TBC1D7: variants seen among roughly 807,000 people sequenced by gnomAD.
TBC1D7 encodes TBC domain family 7.
A neutral mutation model predicts 35.3 loss-of-function variants in TBC1D7; 33 were observed. The observed-to-expected ratio is 0.93, with a 90% CI of 0.71 to 1.25. The LOEUF is 1.25. TBC1D7 is among the 50% of genes most tolerant of loss of function. TBC1D7 has a pLI of 0.00. For missense variants in TBC1D7, 362 were observed against 365.3 expected (o/e 0.99, Z 0.07); for synonymous variants, 135 against 129.5 (o/e 1.04, Z -0.29).
At chr6:13,310,283 C>A (rs1330376790) in intron 5 of TBC1D7, among the ~76,000 whole-genome samples, 2 of 152,170 alleles carry the variant, frequency 1.3e-5, no homozygotes, top group Non-Finnish European at 2.9e-5. Flanking sequence ...AAATAGCCAA[C>A]AATAAAGACA....
In TBC1D7 at chr6:13,321,091, G is replaced by C; in HGVS notation, c.198C>G (p.Ile66Met). The change falls in exon 4 of 8, where the codon ATC (isoleucine) becomes ATG (methionine). Residue 66 changes from isoleucine to methionine, a missense_variant. By Grantham distance (10) the Ile-to-Met change is conservative (BLOSUM62 1). Transcript: ENST00000379300. ...RALVWKVLLGILPPHHESHAK... is the reference protein window; with the variant it reads ...RALVWKVLLGMLPPHHESHAK... ...CATGGGACTCGTGGTGTGGAGGCAAGATTCCTAGAGAGAACAGGAAAAACG... is the reference window on the plus strand; with the variant it reads ...CATGGGACTCGTGGTGTGGAGGCAACATTCCTAGAGAGAACAGGAAAAACG... 1 of 1,607,918 alleles carries C rather than the reference G, an allele frequency of 6.2e-7. No homozygotes were observed. The highest frequency in any genetic ancestry group is 8.5e-7 in the Non-Finnish European group (1 of 1,176,052).
At chr6:13,313,927 A>C (rs1397437590) in intron 5 of TBC1D7, among the ~76,000 whole-genome samples, 3 of 152,246 alleles carry the variant, frequency 2.0e-5, no homozygotes, top group African/African-American at 7.2e-5. Flanking sequence ...AAATAGAACC[A>C]TAGGGCCACA....
chr6:13,323,126 G>A lies in TBC1D7; in HGVS notation c.193+1968C>T, dbSNP rs759530900. On this transcript the variant is annotated intron_variant, in intron 3 of 7. Coordinates refer to ENST00000379300, the MANE Select transcript of TBC1D7 (RefSeq NM_016495.6). ...CCAGCACTTTGGGAGGCCGAGGCAG[G>A]TGGACTGCCTGAGCTCAGGAGTTTG... 2.6e-5 allele frequency among the ~76,000 whole-genome samples: 4 copies of A among 152,326 alleles called. No homozygotes were observed. In the South Asian group the frequency reaches 8.3e-4, roughly 32 times the overall value.
Position 13,316,577 on chromosome 6 carries a change from G to C in TBC1D7, c.513C>G (p.Pro171=), listed in dbSNP as rs771474987. 3.1e-6 allele frequency: 5 copies of C among 1,606,096 alleles called. No individual in the cohort carries two copies. The highest frequency in any genetic ancestry group is 1.1e-5 in the South Asian group (1 of 88,566). The part of the protein sequence containing the change: ...QLNTKYRDSL[P]QLPKAFEQYL... ...AAAAAAAAAAAGCCCTCACCAACTG[G>C]GGCAAGGAATCCCGGTACTTGGTAT... The change falls in exon 5 of 8, where the codon CCC becomes CCG. Residue 171 remains proline (P), a synonymous_variant. Coordinates refer to ENST00000379300, the MANE Select transcript of TBC1D7 (RefSeq NM_016495.6).
chr6:13,326,962 G>A, intron 1 of TBC1D7, 56 bp from the exon 2 acceptor site: 1 of 981,928 alleles, frequency 1.0e-6, no homozygotes. Flanking sequence ...GGAAAAGTGA[G>A]TCTAGAAACA....
chr6:13,322,375 G>A (rs945336932), intron 3 of TBC1D7, among the ~76,000 whole-genome samples: 4 of 152,134 alleles, frequency 2.6e-5, no homozygotes, highest in Admixed American at 1.3e-4. Flanking sequence ...TTAAATTCCA[G>A]CTCTACAATT....
chr6:13,307,449 T>C (rs1183246884), intron 6 of TBC1D7, 151 bp downstream of exon 6: 1 of 741,314 alleles, frequency 1.3e-6, no homozygotes, highest in Non-Finnish European at 2.2e-6. Context: ...ATAAGCAGAA[T>C]CATGTGCTGT....
intron 3 of TBC1D7, among the ~76,000 whole-genome samples, chr6:13,321,508 T>A (rs76311043): frequency 7.2e-5 from 11 of 152,198 alleles, no homozygotes; most frequent in Non-Finnish European, 5.9e-5. Context: ...CAACAGCCCA[T>A]TGAATTCTTC....
chr6:13,325,393 T>C (rs551957840), intron 2 of TBC1D7, among the ~76,000 whole-genome samples: 1 of 152,240 alleles, frequency 6.6e-6, no homozygotes, highest in African/African-American at 2.4e-5. Flanking sequence ...CCAGGCACGG[T>C]GGCTCATGCC....
chr6:13,315,512 A>G (rs913707453), intron 5 of TBC1D7, among the ~76,000 whole-genome samples: 4 of 152,272 alleles, frequency 2.6e-5, no homozygotes, highest in Admixed American at 2.6e-4. Context: ...TCAGGAGTTC[A>G]AGACCGGCCT....
chr6:13,307,699 A>T lies in TBC1D7; in HGVS notation c.566T>A (p.Leu189Gln). Residue 189 changes from leucine to glutamine, a missense_variant, in exon 6 of 8, where the codon CTG becomes CAG. By Grantham distance (113) the Leu-to-Gln change is moderately radical (BLOSUM62 -2). Transcript: ENST00000379300. ...CGCGGAACACATCCTCAGATGAGTCAGCAGTCTGCCATCTTCCAGATTCAA... is the reference window on the plus strand; with the variant it reads ...CGCGGAACACATCCTCAGATGAGTCTGCAGTCTGCCATCTTCCAGATTCAA... Reference protein sequence around the residue: ...QYLNLEDGRLLTHLRMCSAAP... With the variant: ...QYLNLEDGRLQTHLRMCSAAP... The T allele has an allele frequency of 6.2e-7, 1 of 1,614,164 alleles. No homozygotes were observed. Among genetic ancestry groups the T allele is most frequent in the Non-Finnish European group, 8.5e-7 (1 of 1,180,008 alleles).
chr6:13,323,557 G>C, intron 3 of TBC1D7, among the ~76,000 whole-genome samples: 1 of 152,088 alleles, frequency 6.6e-6, no homozygotes, highest in East Asian at 1.9e-4. Context: ...AGAAGGCACG[G>C]AGAACAGTAA....
At chr6:13,318,570 C>T (rs1584555289) in intron 4 of TBC1D7, 3 of 152,098 alleles carry the variant, frequency 2.0e-5, no homozygotes, top group Non-Finnish European at 2.9e-5. Flanking sequence ...TCTCGATAAA[C>T]GTAAGAAATA....
chr6:13,325,195 T>G, intron 2 of TBC1D7, 21 bp from the exon 3 acceptor site: 1 of 1,562,696 alleles, frequency 6.4e-7, no homozygotes, highest in Non-Finnish European at 8.8e-7. Context: ...AAGAAAACAA[T>G]TGTTAGAAGC....
At position 13,310,637 on chromosome 6, in the gene TBC1D7, C is replaced by CAAAAAAAAAAAAAAAAAAAAAAAAA. The variant is rs546122443; in HGVS notation, c.520-2893_520-2892insTTTTTTTTTTTTTTTTTTTTTTTTT. Among the ~76,000 whole-genome samples, 85 of 72,858 alleles carry CAAAAAAAAAAAAAAAAAAAAAAAAA rather than the reference C, an allele frequency of 1.2e-3. 2 individuals are homozygous for CAAAAAAAAAAAAAAAAAAAAAAAAA. Among genetic ancestry groups the CAAAAAAAAAAAAAAAAAAAAAAAAA allele is most frequent in the Non-Finnish European group, 1.5e-3 (56 of 36,884 alleles). The allele number at this position is 72,858 out of a possible 152,430, so 47.8% of individuals were successfully genotyped here. The stretch of plus-strand genomic sequence containing the variant: ...TGGGTGACAGAGCGAGACTCCGTCT[C>CAAAAAAAAAAAAAAAAAAAAAAAAA]AAAAAAAAAAAAAAAAGAATATTGT... On this transcript the variant is annotated intron_variant, in intron 5 of 7. Coordinates refer to ENST00000379300, the MANE Select transcript of TBC1D7 (RefSeq NM_016495.6).
intron 5 of TBC1D7, among the ~76,000 whole-genome samples, chr6:13,308,489 G>A (rs539297084): frequency 1.8e-4 from 28 of 152,286 alleles, no homozygotes; most frequent in Non-Finnish European, 2.6e-4. Flanking sequence ...TAGAAGACTG[G>A]AGAGCTAATA....
In TBC1D7 at chr6:13,321,051, ACAT is replaced by A; in HGVS notation, c.235_237del (p.Met79del). 1.2e-6 allele frequency: 2 copies of A among 1,614,132 alleles called. No individual in the cohort carries two copies. Among genetic ancestry groups the A allele is most frequent in the Non-Finnish European group, 1.7e-6 (2 of 1,179,996 alleles). On this transcript the variant is annotated inframe_deletion, in exon 4 of 8. Coordinates refer to ENST00000379300, the MANE Select transcript of TBC1D7 (RefSeq NM_016495.6). ...ACATCCAAGTACTGCTCCTTACGAT[ACAT>A]CATCACCTTGGCATGGGACTCGTGG...
chr6:13,325,466 C>G (rs1784341877), intron 2 of TBC1D7, among the ~76,000 whole-genome samples: 2 of 152,174 alleles, frequency 1.3e-5, no homozygotes, highest in South Asian at 4.1e-4. Flanking sequence ...AGTTTGGGAC[C>G]AGCCTGGCCA....
chr6:13,328,110 C>G (rs1784522675), intron 1 of TBC1D7, 186 bp downstream of exon 1: 1 of 152,148 alleles, frequency 6.6e-6, no homozygotes, highest in Admixed American at 6.5e-5. Context: ...AGCTGCATGA[C>G]GATTTGGTCG....
Sources: gnomAD v4.1 joint callset for allele counts (sites outside exome capture counted in the v4.1 genomes callset) on GRCh38, gnomAD v4.1.1 for gene constraint, MANE v1.5 for transcripts, NCBI Gene and HGNC (gene_info 2026-07-23, HGNC 2026-07-21) for gene names.